HUWE1: variants seen among roughly 807,000 people sequenced by gnomAD.
HUWE1 encodes the protein HECT, UBA and WWE domain containing E3 ubiquitin protein ligase 1.
Under a neutral mutation model 299.4 loss-of-function variants are expected in HUWE1, and 18 were observed. That is an observed-to-expected ratio of 0.06 (90% confidence interval 0.04 to 0.09). The LOEUF (loss-of-function observed/expected upper bound fraction) is 0.09. Among genes scored for constraint, HUWE1 ranks in the 10% least tolerant of loss-of-function variants. The probability of loss-of-function intolerance (pLI) is 1.00; values close to 1 mark genes in which losing one functional copy is unlikely to be tolerated. For missense variants in HUWE1, 1,832 were observed against 3,462.3 expected, an observed-to-expected ratio of 0.53 and a Z score of 11.82; for synonymous variants, 1,317 against 1,286.1, an observed-to-expected ratio of 1.02 and a Z score of -0.51.
At position 53,533,058 on chromosome X, in the gene HUWE1, T is replaced by G. The variant is rs892960665; in HGVS notation, c.*251A>C. 2 of 400,701 alleles carry G rather than the reference T, an allele frequency of 5.0e-6. No individual in the cohort carries two copies. Among genetic ancestry groups the G allele is most frequent in the Non-Finnish European group, 8.8e-6 (2 of 227,267 alleles). The allele number at this position is 400,701 out of a possible 1,213,427, so 33.0% of individuals were successfully genotyped here. A position where few individuals can be genotyped will look rare whatever the true frequency, so the allele number is the denominator to read the frequency against. ...GGTCCCTGCAAAGGCTACTGCCTTTTTAAAACACATGGGGTGGGGATCATG... is the reference window on the plus strand; with the variant it reads ...GGTCCCTGCAAAGGCTACTGCCTTTGTAAAACACATGGGGTGGGGATCATG... On this transcript the variant is annotated 3_prime_UTR_variant, in exon 84 of 84. Coordinates refer to ENST00000262854, the MANE Select transcript of HUWE1 (RefSeq NM_031407.7).
intron 7 of HUWE1, among the ~76,000 whole-genome samples, chrX:53,639,290 T>C (rs1416022961): frequency 3.6e-5 from 4 of 112,029 alleles, no homozygotes; most frequent in Non-Finnish European, 1.9e-5. Flanking sequence ...CACTGAGATT[T>C]CTGGGACTCT....
At chrX:53,533,562 C>A in intron 83 of HUWE1, 151 bp from the exon 84 acceptor site, 1 of 498,806 alleles carries the variant, frequency 2.0e-6, no homozygotes. Flanking sequence ...CCAGTATGTC[C>A]CCCTTTATCT....
Position 53,583,637 on chromosome X carries a change from T to G in HUWE1, c.5441A>C (p.Asn1814Thr). ...ILNLTQSSGF[N>T]GFTPLVTLLL... The stretch of plus-strand genomic sequence containing the variant: ...AAGGGTGACCAGGGGAGTAAACCCA[T>G]TGAAGCCTGAGCTCTGGGTCAAATT... Residue 1814 changes from asparagine (N) to threonine (T), a missense_variant, in exon 42 of 84, where the codon AAT (asparagine) becomes ACT (threonine). Coordinates refer to ENST00000262854, the MANE Select transcript of HUWE1 (RefSeq NM_031407.7). 8.3e-7 allele frequency: 1 copy of G among 1,211,011 alleles called. No individual in the cohort carries two copies. Among genetic ancestry groups the G allele is most frequent in the Non-Finnish European group, 1.1e-6 (1 of 894,868 alleles).
chrX:53,634,023 GATTT>G (rs1301678413), intron 8 of HUWE1, among the ~76,000 whole-genome samples: 1 of 111,389 alleles, frequency 9.0e-6, no homozygotes, highest in Admixed American at 9.5e-5. Flanking sequence ...CTATTTCTCA[GATTT>G]TTTTATCTAC....
chrX:53,648,546 A>AC (rs1557037791), intron 4 of HUWE1, among the ~76,000 whole-genome samples: 1 of 104,644 alleles, frequency 9.6e-6, no homozygotes, highest in African/African-American at 3.9e-5. Flanking sequence ...AAAACAAAAA[A>AC]AAACAAAAAA....
At chrX:53,673,415 T>C (rs782513239) in intron 3 of HUWE1, among the ~76,000 whole-genome samples, 47 of 111,497 alleles carry the variant, frequency 4.2e-4, no homozygotes, top group Admixed American at 4.1e-3. Flanking sequence ...AAACATGAAA[T>C]CCATTCATGT....
chrX:53,533,971 A>C (rs782478161), intron 83 of HUWE1, 36 bp downstream of exon 83: 6 of 1,159,874 alleles, frequency 5.2e-6, no homozygotes, highest in Non-Finnish European at 7.1e-6. Context: ...AGCTCAACCT[A>C]AGCACTGAAA....
intron 74 of HUWE1, among the ~76,000 whole-genome samples, chrX:53,542,084 G>T (rs2061368765): frequency 9.0e-6 from 1 of 111,666 alleles, no homozygotes. Flanking sequence ...TTGGGAGGCT[G>T]AGACAGGAGA....
At chrX:53,578,296 C>G (rs1236225493) in intron 43 of HUWE1, among the ~76,000 whole-genome samples, 2 of 109,114 alleles carry the variant, frequency 1.8e-5, no homozygotes, top group East Asian at 6.0e-4. Context: ...CGGCAGCCAC[C>G]CCGTCTGGGA....
rs1556973367 is a variant in HUWE1 at position 53,586,465 on chromosome X, C to T, written c.4824+25G>A. The stretch of plus-strand genomic sequence containing the variant: ...TGCCTCAGGAAGCTAAACCGTCCTG[C>T]AGTCATACATACTACATTACACACC... On this transcript the variant is annotated intron_variant, in intron 39 of 83. Transcript: ENST00000262854. 7 of 1,077,578 alleles carry T rather than the reference C, an allele frequency of 6.5e-6. 1 individual carries two copies. The East Asian group carries it at 1.2e-4, about 19-fold the overall frequency. 88.8% of individuals were successfully genotyped at this position (1,077,578 alleles called of 1,213,427 possible). A position where few individuals can be genotyped will look rare whatever the true frequency, so the allele number is the denominator to read the frequency against.
At position 53,562,355 on chromosome X, in the gene HUWE1, G is replaced by A; in HGVS notation, c.7205-111C>T. The A allele has an allele frequency of 3.1e-6, 3 of 973,801 alleles. No individual in the cohort carries two copies. In the South Asian group the frequency reaches 6.2e-5, roughly 20 times the overall value. 80.3% of individuals were successfully genotyped at this position (973,801 alleles called of 1,213,427 possible). A position where few individuals can be genotyped will look rare whatever the true frequency, so the allele number is the denominator to read the frequency against. On this transcript the variant is annotated intron_variant, in intron 53 of 83. Coordinates refer to ENST00000262854, the MANE Select transcript of HUWE1 (RefSeq NM_031407.7). ...TGATGGGATATCTGACTCTATGAGAGGAAGAACCAGATCTGGGGTGATGTA... is the reference window on the plus strand; with the variant it reads ...TGATGGGATATCTGACTCTATGAGAAGAAGAACCAGATCTGGGGTGATGTA...
intron 7 of HUWE1, among the ~76,000 whole-genome samples, chrX:53,636,842 T>C (rs1327430357): frequency 8.9e-6 from 1 of 112,450 alleles, no homozygotes; most frequent in Non-Finnish European, 1.9e-5. Context: ...AACTGTGAAG[T>C]AAATTGAGAT....
intron 3 of HUWE1, among the ~76,000 whole-genome samples, chrX:53,656,509 T>G (rs1276173494): frequency 4.6e-5 from 4 of 87,226 alleles, no homozygotes; most frequent in African/African-American, 2.0e-4. Context: ...GCCACTGCAC[T>G]CCAGCCTGGG....
rs781961482 is a variant in HUWE1, at chrX:53,631,052, A to G, written c.763-18T>C. 3.1e-6 allele frequency: 3 copies of G among 969,032 alleles called. No individual in the cohort carries two copies. The highest frequency in any genetic ancestry group is 4.4e-5 in the Admixed American group (2 of 45,434). The allele number at this position is 969,032 out of a possible 1,213,427, so 79.9% of individuals were successfully genotyped here. A position where few individuals can be genotyped will look rare whatever the true frequency, so the allele number is the denominator to read the frequency against. On this transcript the variant is annotated intron_variant, in intron 11 of 83. Transcript: ENST00000262854. Reference sequence around the variant, plus strand: ...AACAGCATCTGTAGAGAGATAAGACATACATTTTAAAAACATCAATGAAAA... The same window carrying G: ...AACAGCATCTGTAGAGAGATAAGACGTACATTTTAAAAACATCAATGAAAA...
intron 17 of HUWE1, 42 bp from the exon 18 acceptor site, chrX:53,625,300 A>T (rs782455971): frequency 1.1e-6 from 1 of 911,251 alleles, no homozygotes; most frequent in East Asian, 3.1e-5. Flanking sequence ...TGAGTTCGCC[A>T]TTAAACCACA....
chrX:53,544,061 C>CAT (rs2061457295), intron 72 of HUWE1, 93 bp from the exon 73 acceptor site: 2 of 816,332 alleles, frequency 2.4e-6, no homozygotes, highest in South Asian at 4.4e-5. Context: ...TGCCACAGGG[C>CAT]ATCTTGCTGA....
chrX:53,669,242 A>T (rs1771408663), intron 3 of HUWE1, among the ~76,000 whole-genome samples: 1 of 112,476 alleles, frequency 8.9e-6, no homozygotes, highest in Non-Finnish European at 1.9e-5. Flanking sequence ...GCCTTTAAAA[A>T]CAAAGGTGTC....
Position 53,592,422 on chromosome X carries a change from T to C in HUWE1, c.3948A>G (p.Gln1316=), listed in dbSNP as rs781933859. 53 of 1,207,704 alleles carry C rather than the reference T, an allele frequency of 4.4e-5. No individual in the cohort carries two copies. The highest frequency in any genetic ancestry group is 5.9e-5 in the Non-Finnish European group (53 of 894,023). ...QEEGGSRREP[Q]VNQQQLQQLM... is the part of the protein sequence containing the mutation. ...CCTGTTGCAGTTGTTGCTGGTTGAC[T>C]TGAGGTTCCCGGCGGGAGCCACCTT... is the stretch of plus-strand genomic sequence containing the variant. The change falls in exon 33 of 84, where the codon CAA becomes CAG. Residue 1316 remains glutamine, a synonymous_variant. Coordinates refer to ENST00000262854, the MANE Select transcript of HUWE1 (RefSeq NM_031407.7).
chrX:53,549,683 G>A (rs781814017), intron 66 of HUWE1, among the ~76,000 whole-genome samples, 178 bp from the exon 67 acceptor site: 10 of 110,669 alleles, frequency 9.0e-5, no homozygotes, highest in Admixed American at 1.9e-4. Flanking sequence ...CTATGTACCA[G>A]GCACTTTACA....
Sources: gnomAD v4.1 joint callset for allele counts (sites outside exome capture counted in the v4.1 genomes callset) on GRCh38, gnomAD v4.1.1 for gene constraint, MANE v1.5 for transcripts, NCBI Gene and HGNC (gene_info 2026-07-23, HGNC 2026-07-21) for gene names.